Variants in SORCS2 observed in about 807,000 individuals in gnomAD.
SORCS2 encodes sortilin related VPS10 domain containing receptor 2.
Under a neutral mutation model 141.6 loss-of-function variants are expected in SORCS2, and 100 were observed. The ratio of observed to expected loss-of-function variants is 0.71; its 90% CI spans 0.60 to 0.83. The LOEUF (loss-of-function observed/expected upper bound fraction) is 0.83. SORCS2 is among the 40% of genes least tolerant of loss of function. SORCS2 has a pLI of 0.00. For missense variants in SORCS2, 1,646 were observed against 1,560.2 expected (o/e 1.05, Z -0.93); for synonymous variants, 789 against 676.9 (o/e 1.17, Z -2.57).
At chr4:7,433,756 A>T (rs766672830) in intron 2 of SORCS2, 1 of 1,613,368 alleles carries the variant, frequency 6.2e-7, no homozygotes, top group Non-Finnish European at 8.5e-7. Flanking sequence ...GGCATCATGG[A>T]CTGCCCGGGC....
At chr4:7,552,065 A>G (rs1179854941) in intron 3 of SORCS2, among the ~76,000 whole-genome samples, 1 of 152,168 alleles carries the variant, frequency 6.6e-6, no homozygotes, top group African/African-American at 2.4e-5. Flanking sequence ...CCTAATTGTC[A>G]TGTAATTAGA....
intron 3 of SORCS2, among the ~76,000 whole-genome samples, chr4:7,617,185 C>T (rs1450863331): frequency 6.6e-6 from 1 of 152,180 alleles, no homozygotes; most frequent in Non-Finnish European, 1.5e-5. Flanking sequence ...TGCCATTGAT[C>T]TATATATTTA....
At chr4:7,582,653 TAAAACAA>T (rs536265189) in intron 3 of SORCS2, among the ~76,000 whole-genome samples, 98 of 149,696 alleles carry the variant, frequency 6.5e-4, no homozygotes, top group Non-Finnish European at 1.9e-4. Flanking sequence ...AATAAATAAA[TAAAACAA>T]AAAACAAAAA....
chr4:7,284,674 C>G (rs1454983215), intron 1 of SORCS2, among the ~76,000 whole-genome samples: 1 of 152,192 alleles, frequency 6.6e-6, no homozygotes, highest in East Asian at 1.9e-4. Context: ...GGAGCTCATA[C>G]AGGCTGTTTA....
chr4:7,559,726 C>A (rs950027662), intron 3 of SORCS2, among the ~76,000 whole-genome samples: 1 of 152,248 alleles, frequency 6.6e-6, no homozygotes, highest in Non-Finnish European at 1.5e-5. Context: ...GCCTCAATTT[C>A]CTCACCTGTG....
chr4:7,444,007 T>A (rs1727840329), intron 2 of SORCS2, among the ~76,000 whole-genome samples: 1 of 152,102 alleles, frequency 6.6e-6, no homozygotes, highest in South Asian at 2.1e-4. Flanking sequence ...CACCCACAGG[T>A]AAAGGGGCTG....
intron 1 of SORCS2, 26 bp from the exon 2 acceptor site, chr4:7,396,262 C>T: frequency 6.2e-7 from 1 of 1,611,484 alleles, no homozygotes; most frequent in Non-Finnish European, 8.5e-7. Context: ...CTGATTTCTG[C>T]CTTTTACTTT....
intron 1 of SORCS2, among the ~76,000 whole-genome samples, chr4:7,230,557 C>G (rs1489425503): frequency 7.5e-6 from 1 of 133,520 alleles, no homozygotes; most frequent in African/African-American, 2.9e-5. Context: ...GGAGTAGTGT[C>G]ATGTGCTCAT....
At chr4:7,499,162 A>C (rs62280182) in intron 2 of SORCS2, among the ~76,000 whole-genome samples, 1 of 145,164 alleles carries the variant, frequency 6.9e-6, no homozygotes, top group South Asian at 2.3e-4. Context: ...GAGTATGTGC[A>C]TGTGAGTGCA....
At chr4:7,583,928 C>T (rs1577791372) in intron 3 of SORCS2, among the ~76,000 whole-genome samples, 1 of 152,312 alleles carries the variant, frequency 6.6e-6, no homozygotes, top group South Asian at 2.1e-4. Context: ...AGTCCTGCCT[C>T]TAATGTGCTA....
intron 2 of SORCS2, among the ~76,000 whole-genome samples, chr4:7,498,844 G>A (rs4260539): frequency 0.77 from 117,389 of 152,176 alleles, 48,979 homozygotes; most frequent in South Asian, 0.96. Flanking sequence ...CAGTGCCATA[G>A]AGGAGAGGGA....
intron 3 of SORCS2, among the ~76,000 whole-genome samples, chr4:7,555,080 G>T (rs997417298): frequency 6.6e-6 from 1 of 152,180 alleles, no homozygotes; most frequent in Admixed American, 6.5e-5. Context: ...TCCTTGTTCA[G>T]GTTTCTCTCT....
At chr4:7,227,518 G>A (rs994103130) in intron 1 of SORCS2, among the ~76,000 whole-genome samples, 1 of 152,170 alleles carries the variant, frequency 6.6e-6, no homozygotes, top group Admixed American at 6.5e-5. Flanking sequence ...GGGCCTTGTG[G>A]GTGAGGTGGG....
intron 1 of SORCS2, among the ~76,000 whole-genome samples, chr4:7,364,056 A>G (rs1234988227): frequency 2.0e-5 from 3 of 150,266 alleles, no homozygotes; most frequent in East Asian, 2.0e-4. Flanking sequence ...CACCATAACC[A>G]TGCCTCACCA....
chr4:7,357,100 C>T (rs916310185), intron 1 of SORCS2, among the ~76,000 whole-genome samples: 3 of 152,152 alleles, frequency 2.0e-5, no homozygotes, highest in South Asian at 4.2e-4. Context: ...GCCTGGGGTC[C>T]GGCTGGAGCT....
chr4:7,555,587 T>A (rs1240082459), intron 3 of SORCS2, among the ~76,000 whole-genome samples: 1 of 152,214 alleles, frequency 6.6e-6, no homozygotes, highest in Non-Finnish European at 1.5e-5. Context: ...GGGTATCGGA[T>A]GAAAACAGAC....
At chr4:7,564,487 T>G (rs1206174930) in intron 3 of SORCS2, among the ~76,000 whole-genome samples, 3 of 152,236 alleles carry the variant, frequency 2.0e-5, no homozygotes, top group Non-Finnish European at 4.4e-5. Context: ...ACTCAGTTAC[T>G]GCTATAAAGA....
intron 1 of SORCS2, among the ~76,000 whole-genome samples, chr4:7,332,828 G>A (rs59701366): frequency 0.081 from 12,339 of 152,302 alleles, 517 homozygotes; most frequent in Middle Eastern, 0.15. Flanking sequence ...GGCAGAGTGT[G>A]GGTGAGGCAG....
At chr4:7,306,037 C>T (rs1025380215) in intron 1 of SORCS2, among the ~76,000 whole-genome samples, 13 of 152,220 alleles carry the variant, frequency 8.5e-5, no homozygotes, top group Non-Finnish European at 1.5e-4. Context: ...GCAGTCACTC[C>T]CTTCCTCGAC....
Sources: gnomAD v4.1 joint callset for allele counts (sites outside exome capture counted in the v4.1 genomes callset) on GRCh38, gnomAD v4.1.1 for gene constraint, MANE v1.5 for transcripts, NCBI Gene and HGNC (gene_info 2026-07-23, HGNC 2026-07-21) for gene names.